Variants in ZNF721 observed in about 807,000 individuals in gnomAD.
ZNF721 encodes zinc finger protein 721.
Under a neutral mutation model 2.4 loss-of-function variants are expected in ZNF721, and 2 were observed. That is an observed-to-expected ratio of 0.82 (90% CI 0.34 to 2.58). ZNF721 has a LOEUF of 2.58. ZNF721 is among the 30% of genes most tolerant of loss of function. ZNF721 has a pLI of 0.11. For missense variants in ZNF721, 1,187 were observed against 1,085.5 expected (o/e 1.09, Z -1.31); for synonymous variants, 398 against 381.8 (o/e 1.04, Z -0.50).
At chr4:480,223 T>G (rs1301261837) in intron 1 of ZNF721, among the ~76,000 whole-genome samples, 1 of 152,230 alleles carries the variant, frequency 6.6e-6, no homozygotes. Flanking sequence ...ATTTCTGTTC[T>G]TGGCTTGTGC....
Position 441,876 on chromosome 4 carries a change from G to A in ZNF721, c.2591C>T (p.Pro864Leu), listed in dbSNP as rs576154356. The change falls in exon 3 of 3, where the codon CCC becomes CTC. Residue 864 changes from proline (P) to leucine (L), a missense_variant. Pro to Leu is a moderately conservative substitution (Grantham distance 98). Coordinates refer to ENST00000511833, the MANE Select transcript of ZNF721 (RefSeq NM_133474.4). ...TTTGCCACATTCTCCACATGTGTAG[G>A]GTTTCTCTCCAGTATGAATTCTCCT... ...VHRRIHTGEK[P>L]YTCGECGKTF... 1.2e-6 allele frequency: 2 copies of A among 1,613,914 alleles called. No homozygotes were observed. The highest frequency in any genetic ancestry group is 2.7e-5 in the African/African-American group (2 of 75,022).
chr4:495,385 C>T (rs1156512086), intron 1 of ZNF721, among the ~76,000 whole-genome samples: 1 of 120,428 alleles, frequency 8.3e-6, no homozygotes, highest in African/African-American at 3.1e-5. Flanking sequence ...AAACCAAAAA[C>T]ATGAAACCTT....
At chr4:488,619 G>A (rs1553870982) in intron 1 of ZNF721, among the ~76,000 whole-genome samples, 1 of 152,048 alleles carries the variant, frequency 6.6e-6, no homozygotes, top group South Asian at 2.1e-4. Flanking sequence ...ATCACAAGGT[G>A]AAGAGATTGA....
At chr4:462,691 G>T (rs966480823) in intron 2 of ZNF721, among the ~76,000 whole-genome samples, 3 of 152,170 alleles carry the variant, frequency 2.0e-5, no homozygotes, top group Admixed American at 2.0e-4. Context: ...GGGAAAACTG[G>T]CTAGCCATAT....
intron 2 of ZNF721, among the ~76,000 whole-genome samples, chr4:464,387 T>C (rs1251907010): frequency 6.7e-6 from 1 of 148,552 alleles, no homozygotes; most frequent in African/African-American, 2.5e-5. Context: ...GAGAATCGCT[T>C]GAACTTGGGA....
chr4:468,266 CAAA>C (rs782727813), intron 2 of ZNF721, among the ~76,000 whole-genome samples: 2 of 120,094 alleles, frequency 1.7e-5, no homozygotes. Flanking sequence ...GACTCCGACT[CAAA>C]AAAAAAAAAA....
intron 1 of ZNF721, among the ~76,000 whole-genome samples, chr4:482,232 C>A (rs1434531376): frequency 1.3e-5 from 2 of 152,176 alleles, no homozygotes; most frequent in Non-Finnish European, 2.9e-5. Flanking sequence ...GGCGCCATCC[C>A]GGCTCACTGC....
In ZNF721 at chr4:442,449, T is replaced by A. The variant is rs1383670422; in HGVS notation, c.2018A>T (p.Glu673Val). 6.2e-7 allele frequency: 1 copy of A among 1,613,860 alleles called. No homozygotes were observed. Among genetic ancestry groups the A allele is most frequent in the Non-Finnish European group, 8.5e-7 (1 of 1,179,868 alleles). The change falls in exon 3 of 3, where the codon GAG becomes GTG. Residue 673 changes from glutamate (E) to valine (V), a missense_variant. Glu to Val is a moderately radical substitution (Grantham distance 121). Transcript: ENST00000511833. ...GGACCATCCAAAGGCTTTGCCACACTCTTCACATTTGTAACTTTGCTCTCC... is the reference window on the plus strand; with the variant it reads ...GGACCATCCAAAGGCTTTGCCACACACTTCACATTTGTAACTTTGCTCTCC... ...LTGEQSYKCE[E>V]CGKAFGWSIA... is the part of the protein sequence containing the mutation.
intron 1 of ZNF721, among the ~76,000 whole-genome samples, chr4:473,478 C>G (rs76689893): frequency 0.022 from 3,300 of 152,226 alleles, 54 homozygotes; most frequent in Non-Finnish European, 0.031. Context: ...AAAGTTGGGG[C>G]GGGCTGGTGA....
chr4:446,688 C>CT (rs555227271), intron 2 of ZNF721, among the ~76,000 whole-genome samples: 170 of 147,206 alleles, frequency 1.2e-3, no homozygotes, highest in African/African-American at 3.4e-3. Flanking sequence ...CCCGAATTTT[C>CT]TTTTTTTTTT....
At chr4:494,092 T>C (rs1553871875) in intron 1 of ZNF721, among the ~76,000 whole-genome samples, 2 of 152,114 alleles carry the variant, frequency 1.3e-5, no homozygotes, top group African/African-American at 4.8e-5. Context: ...AGCCAATTAA[T>C]TAGAGTTCTT....
At position 482,266 on chromosome 4, in the gene ZNF721, C is replaced by T. The variant is rs191649467; in HGVS notation, c.-93-9565G>A. On this transcript the variant is annotated intron_variant, in intron 1 of 2. Coordinates refer to ENST00000511833, the MANE Select transcript of ZNF721 (RefSeq NM_133474.4). ...GCAACCTCCATCTTCCAGGTTCAAA[C>T]GATTCTCCTGCCTCAACCTCCTGAG... is the stretch of plus-strand genomic sequence containing the variant. Among the ~76,000 whole-genome samples, 1,097 of 152,142 alleles carry T rather than the reference C, an allele frequency of 7.2e-3. 17 individuals carry two copies. The highest frequency in any genetic ancestry group is 7.6e-3 in the Non-Finnish European group (519 of 67,990).
At chr4:444,994 T>A (rs918292529) in intron 2 of ZNF721, among the ~76,000 whole-genome samples, 109 of 147,320 alleles carry the variant, frequency 7.4e-4, no homozygotes, top group Non-Finnish European at 1.4e-3. Context: ...TTTTTTTTTT[T>A]TTTTTTTTGA....
intron 2 of ZNF721, among the ~76,000 whole-genome samples, chr4:444,979 C>CTT (rs569762644): frequency 2.4e-3 from 263 of 108,670 alleles, no homozygotes; most frequent in Non-Finnish European, 2.9e-3. Flanking sequence ...TGATGAGAGA[C>CTT]TTTTTTTTTT....
In ZNF721 at chr4:441,845, A is replaced by AAAGGT; in HGVS notation, c.2617_2621dup (p.Phe874LeufsTer87). 6.2e-7 allele frequency: 1 copy of AAAGGT among 1,614,036 alleles called. No individual in the cohort carries two copies. Among genetic ancestry groups the AAAGGT allele is most frequent in the East Asian group, 2.2e-5 (1 of 44,870 alleles). On this transcript the variant is annotated frameshift_variant, in exon 3 of 3. Coordinates refer to ENST00000511833, the MANE Select transcript of ZNF721 (RefSeq NM_133474.4). LOFTEE classifies it low-confidence loss of function (END_TRUNC). Reference sequence around the variant, plus strand: ...GCGCATAAAGATTTGCAGACTGTCTAAAGGTTTTGCCACATTCTCCACATG... The same window carrying AAAGGT: ...GCGCATAAAGATTTGCAGACTGTCTAAAGGTAAGGTTTTGCCACATTCTCCACATG...
At chr4:496,228 G>A (rs1014680726) in intron 1 of ZNF721, among the ~76,000 whole-genome samples, 4 of 151,996 alleles carry the variant, frequency 2.6e-5, no homozygotes, top group African/African-American at 7.3e-5. Flanking sequence ...TTCGGATTTC[G>A]CCAAGTCAGA....
At chr4:463,023 A>G (rs1553866297) in intron 2 of ZNF721, among the ~76,000 whole-genome samples, 1 of 152,238 alleles carries the variant, frequency 6.6e-6, no homozygotes, top group Non-Finnish European at 1.5e-5. Context: ...AAGGAATAAT[A>G]TCCAGAAACT....
chr4:458,774 G>A (rs1403571605), intron 2 of ZNF721, among the ~76,000 whole-genome samples: 5 of 152,010 alleles, frequency 3.3e-5, no homozygotes, highest in Non-Finnish European at 7.4e-5. Context: ...GGAACCCAGG[G>A]GGCAGAGGCT....
At chr4:490,580 T>G (rs1715996197) in intron 1 of ZNF721, among the ~76,000 whole-genome samples, 1 of 152,220 alleles carries the variant, frequency 6.6e-6, no homozygotes, top group African/African-American at 2.4e-5. Flanking sequence ...AATTCACAAA[T>G]AGCTAACATT....
Sources: gnomAD v4.1 joint callset for allele counts (sites outside exome capture counted in the v4.1 genomes callset) on GRCh38, gnomAD v4.1.1 for gene constraint, MANE v1.5 for transcripts, NCBI Gene and HGNC (gene_info 2026-07-23, HGNC 2026-07-21) for gene names.